Variants in NOS1AP observed in about 807,000 individuals in gnomAD.
NOS1AP encodes the protein carboxyl-terminal PDZ ligand of neuronal nitric oxide synthase protein.
NOS1AP carries 21 observed loss-of-function variants against 56.2 expected under a neutral mutation model. The ratio of observed to expected loss-of-function variants is 0.37; its 90% CI spans 0.26 to 0.54. NOS1AP has a LOEUF of 0.54. Ranked by LOEUF, NOS1AP falls within the 20% of genes least tolerant of loss-of-function variation. The pLI is 0.84. For missense variants in NOS1AP, 522 were observed against 657.8 expected (o/e 0.79, Z 2.26); for synonymous variants, 270 against 274.6 (o/e 0.98, Z 0.17).
chr1:162,293,329 A>G (rs1382674445), intron 3 of NOS1AP, among the ~76,000 whole-genome samples: 1 of 152,228 alleles, frequency 6.6e-6, no homozygotes, highest in Non-Finnish European at 1.5e-5. Flanking sequence ...TAATTCTAGT[A>G]GGGATAGGAA....
At chr1:162,349,199 A>G (rs2003862) in intron 6 of NOS1AP, among the ~76,000 whole-genome samples, 14,168 of 139,024 alleles carry the variant, frequency 0.1, 694 homozygotes, top group South Asian at 0.18. Context: ...AAAAAAGGGG[A>G]AAAAAAAAAA....
rs1404355423 is a variant in NOS1AP, at chr1:162,243,101, A to G, written c.178-44243A>G. Among the ~76,000 whole-genome samples, 8 of 152,164 alleles carry G rather than the reference A, an allele frequency of 5.3e-5. 1 individual carries two copies. The highest frequency in any genetic ancestry group is 5.2e-4 in the Admixed American group (8 of 15,282). The stretch of plus-strand genomic sequence containing the variant: ...GTTCTCAGTCTTCAAGCTGGTAATG[A>G]GTAGTGCTATCTGCTTCTGCTTTAG... On this transcript the variant is annotated intron_variant, in intron 2 of 9. Transcript: ENST00000361897.
chr1:162,262,717 A>G (rs1654277995), intron 2 of NOS1AP, among the ~76,000 whole-genome samples: 1 of 152,226 alleles, frequency 6.6e-6, no homozygotes, highest in African/African-American at 2.4e-5. Flanking sequence ...CACATCTAAA[A>G]TATTTAGTGA....
At chr1:162,144,530 T>G (rs1023059612) in intron 1 of NOS1AP, among the ~76,000 whole-genome samples, 2 of 152,028 alleles carry the variant, frequency 1.3e-5, no homozygotes, top group Non-Finnish European at 2.9e-5. Context: ...CATACAGCCT[T>G]TGTTAGTGTA....
intron 2 of NOS1AP, among the ~76,000 whole-genome samples, chr1:162,199,153 A>G (rs1484813611): frequency 6.6e-6 from 1 of 152,108 alleles, no homozygotes; most frequent in East Asian, 1.9e-4. Context: ...ACTGACCATC[A>G]AACCTCCTTG....
At chr1:162,308,687 A>G (rs1655925972) in intron 4 of NOS1AP, among the ~76,000 whole-genome samples, 1 of 152,134 alleles carries the variant, frequency 6.6e-6, no homozygotes, top group African/African-American at 2.4e-5. Flanking sequence ...TGTACAGGAG[A>G]TGTGCTTAAA....
chr1:162,326,485 A>G (rs1038020362), intron 4 of NOS1AP, among the ~76,000 whole-genome samples: 1 of 152,234 alleles, frequency 6.6e-6, no homozygotes, highest in Non-Finnish European at 1.5e-5. Flanking sequence ...ACATGTGTTT[A>G]TGTATAGGTA....
At chr1:162,124,360 G>A (rs997056573) in intron 1 of NOS1AP, among the ~76,000 whole-genome samples, 1 of 152,056 alleles carries the variant, frequency 6.6e-6, no homozygotes, top group African/African-American at 2.4e-5. Context: ...GCTCTGACTT[G>A]TAATGAGGAC....
intron 7 of NOS1AP, among the ~76,000 whole-genome samples, chr1:162,355,929 A>G (rs1571241865): frequency 1.3e-5 from 2 of 152,328 alleles, no homozygotes; most frequent in South Asian, 4.1e-4. Flanking sequence ...TTAAGAAACT[A>G]AGAACTTGAG....
chr1:162,177,180 A>G (rs1475454782), intron 2 of NOS1AP, among the ~76,000 whole-genome samples: 1 of 152,166 alleles, frequency 6.6e-6, no homozygotes. Context: ...AGGAGGTGAT[A>G]TGGGGGAGGA....
chr1:162,072,658 C>T (rs1178527340), intron 1 of NOS1AP, among the ~76,000 whole-genome samples: 3 of 152,216 alleles, frequency 2.0e-5, no homozygotes, highest in Non-Finnish European at 4.4e-5. Context: ...CAGGTCCTAA[C>T]TCCCAGATCT....
At chr1:162,238,493 G>T (rs1653378230) in intron 2 of NOS1AP, among the ~76,000 whole-genome samples, 1 of 152,064 alleles carries the variant, frequency 6.6e-6, no homozygotes, top group Admixed American at 6.6e-5. Flanking sequence ...TGTTATTGTT[G>T]TCTTATGTGC....
intron 2 of NOS1AP, among the ~76,000 whole-genome samples, chr1:162,187,316 G>C (rs1651474460): frequency 6.6e-6 from 1 of 152,098 alleles, no homozygotes; most frequent in Non-Finnish European, 1.5e-5. Flanking sequence ...TAGTTTATAT[G>C]ATTACTTCAC....
chr1:162,158,129 T>C (rs1291380649), intron 2 of NOS1AP, among the ~76,000 whole-genome samples: 1 of 152,224 alleles, frequency 6.6e-6, no homozygotes, highest in East Asian at 1.9e-4. Flanking sequence ...AAATGGACAC[T>C]CTATACCCAT....
chr1:162,290,872 T>C (rs1022010262), intron 3 of NOS1AP, among the ~76,000 whole-genome samples: 3 of 152,216 alleles, frequency 2.0e-5, no homozygotes, highest in African/African-American at 7.2e-5. Context: ...TTTGCCTCTC[T>C]CAGCTTCAAC....
intron 2 of NOS1AP, among the ~76,000 whole-genome samples, chr1:162,279,625 A>T (rs999452285): frequency 6.6e-6 from 1 of 152,146 alleles, no homozygotes; most frequent in East Asian, 1.9e-4. Flanking sequence ...CGTTATTGAC[A>T]TGTGTCCCTG....
chr1:162,367,654 A>T lies in NOS1AP; in HGVS notation c.*187A>T. 1.5e-6 allele frequency: 1 copy of T among 680,630 alleles called. No homozygotes were observed. 42.2% of individuals were successfully genotyped at this position (680,630 alleles called of 1,614,324 possible). A position where few individuals can be genotyped will look rare whatever the true frequency, so the allele number is the denominator to read the frequency against. ...GAGGGTAAAGTGGGGAAGAAATCGGATTCCCAGAGGTGAATCAGCTCCTCT... is the reference window on the plus strand; with the variant it reads ...GAGGGTAAAGTGGGGAAGAAATCGGTTTCCCAGAGGTGAATCAGCTCCTCT... On this transcript the variant is annotated 3_prime_UTR_variant, in exon 10 of 10. Coordinates refer to ENST00000361897, the MANE Select transcript of NOS1AP (RefSeq NM_014697.3). This position sits in a 1 kb window ranked among gnomAD's most constrained non-coding sequence, Gnocchi z 6.5.
At chr1:162,158,583 A>T (rs554408136) in intron 2 of NOS1AP, among the ~76,000 whole-genome samples, 3 of 152,264 alleles carry the variant, frequency 2.0e-5, no homozygotes, top group Non-Finnish European at 4.4e-5. Context: ...TTCCATAATG[A>T]CTATCATTTT....
intron 3 of NOS1AP, among the ~76,000 whole-genome samples, chr1:162,288,656 C>T (rs980258723): frequency 9.5e-4 from 145 of 152,264 alleles, no homozygotes; most frequent in African/African-American, 3.3e-3. Flanking sequence ...AGGTCTCTTA[C>T]GTATTAATCC....
Sources: allele counts gnomAD v4.1 joint callset (sites outside exome capture counted in the v4.1 genomes callset), GRCh38; gene constraint gnomAD v4.1.1; non-coding constraint Gnocchi (gnomAD v3.1); transcripts MANE v1.5; gene names NCBI Gene and HGNC (gene_info 2026-07-23, HGNC 2026-07-21).